Variants in KLHL20 observed in about 807,000 individuals in gnomAD.
KLHL20 encodes the protein kelch-like protein 20.
In KLHL20, 29 loss-of-function variants were observed where a neutral mutation model predicts 69.5. That is an observed-to-expected ratio of 0.42 (90% confidence interval 0.31 to 0.57). The LOEUF is 0.57. Among genes scored for constraint, KLHL20 ranks in the 20% least tolerant of loss-of-function variants. The pLI, the probability that KLHL20 is intolerant of heterozygous loss-of-function variation, is 0.18. For synonymous variants in KLHL20, 253 were observed against 265.2 expected (o/e 0.95, Z 0.45); for missense variants, 419 against 776.0 (o/e 0.54, Z 5.47).
chr1:173,759,548 A>G (rs185128997), intron 7 of KLHL20, among the ~76,000 whole-genome samples: 3 of 152,064 alleles, frequency 2.0e-5, no homozygotes, highest in Non-Finnish European at 4.4e-5. Flanking sequence ...ACATCACAGG[A>G]CTCTGTGCAG....
At chr1:173,715,323 G>C (rs978135436) in intron 1 of KLHL20, 1 of 152,342 alleles carries the variant, frequency 6.6e-6, no homozygotes, top group Non-Finnish European at 1.5e-5. Context: ...CTGCCTGGTG[G>C]TGCTGGGGTT....
intron 5 of KLHL20, 146 bp downstream of exon 5, chr1:173,753,453 G>A (rs1673399328): frequency 3.2e-6 from 2 of 627,150 alleles, no homozygotes; most frequent in African/African-American, 3.7e-5. Flanking sequence ...CTGGGCTAGA[G>A]TCAAGAGGAG....
chr1:173,762,275 C>T (rs752679473), intron 7 of KLHL20, among the ~76,000 whole-genome samples: 2 of 152,070 alleles, frequency 1.3e-5, no homozygotes, highest in Non-Finnish European at 2.9e-5. Context: ...GGATTCACAG[C>T]AGAATTCTAC....
Position 173,752,366 on chromosome 1 carries a change from T to C in KLHL20, c.756+444T>C, listed in dbSNP as rs566263616. 4.6e-5 allele frequency among the ~76,000 whole-genome samples: 7 copies of C among 152,380 alleles called. No homozygotes were observed. In the South Asian group the frequency reaches 1.4e-3, roughly 32 times the overall value. Reference sequence around the variant, plus strand: ...CCAAATAATCAAGGAAATAAGTATTTAGAAGCATTTTGGTTGCTTATTAAT... The same window carrying C: ...CCAAATAATCAAGGAAATAAGTATTCAGAAGCATTTTGGTTGCTTATTAAT... On this transcript the variant is annotated intron_variant, in intron 4 of 11. Coordinates refer to ENST00000209884, the MANE Select transcript of KLHL20 (RefSeq NM_014458.4).
intron 2 of KLHL20, among the ~76,000 whole-genome samples, chr1:173,727,205 TG>T (rs201553580): frequency 1.4e-5 from 2 of 146,156 alleles, no homozygotes; most frequent in African/African-American, 5.1e-5. Context: ...GAAAAAAGAA[TG>T]AAAAAAAAAA....
At chr1:173,764,569 T>G (rs137874428) in intron 7 of KLHL20, among the ~76,000 whole-genome samples, 151 of 152,268 alleles carry the variant, frequency 9.9e-4, no homozygotes, top group African/African-American at 3.5e-3. Context: ...ATTAACAGCA[T>G]TTGCAGTGAC....
In KLHL20 at chr1:173,733,113, G is replaced by A. The variant is rs1672364484; in HGVS notation, c.24-600G>A. ...CGGCTTACTGCAGCCTCTGCCTCCAGGGTTCAAGTGATTCTCATGCTTCAG... is the reference window on the plus strand; with the variant it reads ...CGGCTTACTGCAGCCTCTGCCTCCAAGGTTCAAGTGATTCTCATGCTTCAG... On this transcript the variant is annotated intron_variant, in intron 2 of 11. Transcript: ENST00000209884. Among the ~76,000 whole-genome samples the A allele has an allele frequency of 2.0e-5, 3 of 149,410 alleles. No homozygotes were observed. The Admixed American group carries it at 2.0e-4, about 10-fold the overall frequency.
At chr1:173,779,267 C>A (rs1391942330) in intron 10 of KLHL20, among the ~76,000 whole-genome samples, 1 of 149,240 alleles carries the variant, frequency 6.7e-6, no homozygotes, top group Non-Finnish European at 1.5e-5. Context: ...TAATGAATTT[C>A]TTTTGATTAT....
chr1:173,781,437 T>C (rs1648868895), intron 10 of KLHL20, among the ~76,000 whole-genome samples: 1 of 152,108 alleles, frequency 6.6e-6, no homozygotes, highest in South Asian at 2.1e-4. Flanking sequence ...TGCCTCAGCC[T>C]TCCAAGTAGC....
In KLHL20 at chr1:173,785,147, GTTTC is replaced by G. The variant is rs756072761; in HGVS notation, c.1746-8_1746-5del. ...TTTTCCAGTTAGAAAATATGATTAT[GTTTC>G]TTTCTTTGCAGGTTATATGGCGGGA... On this transcript the variant is annotated splice_polypyrimidine_tract_variant and intron_variant, in intron 11 of 11. Coordinates refer to ENST00000209884, the MANE Select transcript of KLHL20 (RefSeq NM_014458.4). The G allele has an allele frequency of 2.6e-5, 42 of 1,604,466 alleles. 1 individual carries two copies. In the East Asian group the frequency reaches 5.8e-4, roughly 22 times the overall value.
Position 173,764,415 on chromosome 1 carries a change from A to G in KLHL20, c.1152-1731A>G, listed in dbSNP as rs1478253522. On this transcript the variant is annotated intron_variant, in intron 7 of 11. Transcript: ENST00000209884. ...AAAGAAGTCATTAATCGAAAAAGAT[A>G]CTTGTACACACATGTTTCTAGCAGC... 2.7e-5 allele frequency among the ~76,000 whole-genome samples: 4 copies of G among 147,724 alleles called. No homozygotes were observed. The East Asian group carries it at 7.7e-4, about 28-fold the overall frequency.
intron 3 of KLHL20, among the ~76,000 whole-genome samples, chr1:173,751,415 C>G (rs1222776109): frequency 1.3e-5 from 2 of 152,164 alleles, no homozygotes; most frequent in African/African-American, 4.8e-5. Flanking sequence ...TATTCAGCAA[C>G]TAATCTTCTG....
intron 7 of KLHL20, among the ~76,000 whole-genome samples, chr1:173,762,637 G>T (rs528598259): frequency 1.3e-5 from 2 of 152,132 alleles, no homozygotes; most frequent in East Asian, 3.8e-4. Context: ...AAAATCACAT[G>T]GTCATGTCAA....
chr1:173,717,123 T>C lies in KLHL20; in HGVS notation c.23+1057T>C, dbSNP rs553144254. Among the ~76,000 whole-genome samples the C allele has an allele frequency of 2.6e-5, 4 of 152,332 alleles. No homozygotes were observed. In the South Asian group the frequency reaches 8.3e-4, roughly 32 times the overall value. ...GTACATGAAAAAATTAACAACATAA[T>C]ATTAAATACTTCATCCCTTTACTTC... On this transcript the variant is annotated intron_variant, in intron 2 of 11. Transcript: ENST00000209884.
chr1:173,778,273 G>A (rs966551414), intron 10 of KLHL20, among the ~76,000 whole-genome samples: 15 of 151,412 alleles, frequency 9.9e-5, no homozygotes, highest in African/African-American at 3.4e-4. Flanking sequence ...CTGTGTCTAA[G>A]TGATGTCATT....
chr1:173,766,065 A>T, intron 7 of KLHL20, 81 bp from the exon 8 acceptor site: 2 of 1,115,180 alleles, frequency 1.8e-6, no homozygotes, highest in Non-Finnish European at 2.4e-6. Context: ...ATATCATATA[A>T]ATCCATGGAT....
Position 173,734,067 on chromosome 1 carries a change from G to A in KLHL20, c.378G>A (p.Ala126=), listed in dbSNP as rs147116898. 313 of 1,614,148 alleles carry A rather than the reference G, an allele frequency of 1.9e-4. 1 individual carries two copies. In the African/African-American group the frequency reaches 3.7e-3, roughly 19 times the overall value. ...ERAMELLIDF[A]YTSQITVEEG... is the part of the protein sequence containing the mutation. ...CTATGGAATTACTGATTGACTTTGC[G>A]TATACCTCCCAGATAACAGTAGAAG... Residue 126 remains alanine (A), a synonymous_variant, in exon 3 of 12, where the codon GCG becomes GCA. Transcript: ENST00000209884.
chr1:173,755,494 C>T (rs1673511548), intron 5 of KLHL20, among the ~76,000 whole-genome samples: 1 of 152,180 alleles, frequency 6.6e-6, no homozygotes, highest in South Asian at 2.1e-4. Flanking sequence ...TTCTTTTCAG[C>T]AATCCGATTT....
At chr1:173,731,517 C>T (rs1672276391) in intron 2 of KLHL20, among the ~76,000 whole-genome samples, 1 of 152,102 alleles carries the variant, frequency 6.6e-6, no homozygotes, top group South Asian at 2.1e-4. Flanking sequence ...CACATATACA[C>T]CATGGAATAC....
Sources: gnomAD v4.1 joint callset for allele counts (sites outside exome capture counted in the v4.1 genomes callset) on GRCh38, gnomAD v4.1.1 for gene constraint, MANE v1.5 for transcripts, NCBI Gene and HGNC (gene_info 2026-07-23, HGNC 2026-07-21) for gene names.